The following ACACB variants were observed in gnomAD, a reference collection of about 807,000 sequenced individuals.
The protein encoded by ACACB is acetyl-CoA carboxylase beta.
ACACB carries 209 observed loss-of-function variants against 278.8 expected under a neutral mutation model. The ratio of observed to expected loss-of-function variants is 0.75; its 90% CI spans 0.67 to 0.84. The LOEUF is 0.84. Among genes scored for constraint, ACACB ranks in the 40% least tolerant of loss-of-function variants. The probability of loss-of-function intolerance (pLI) is 0.00; values close to 1 mark genes in which losing one functional copy is unlikely to be tolerated. For synonymous variants in ACACB, 1,174 were observed against 1,285.6 expected (o/e 0.91, Z 1.86); for missense variants, 2,850 against 3,269.0 (o/e 0.87, Z 3.13).
intron 2 of ACACB, among the ~76,000 whole-genome samples, chr12:109,161,734 TGTGTATGTGTGTGTGTG>T (rs1354806368): frequency 3.3e-5 from 5 of 150,732 alleles, no homozygotes; most frequent in Non-Finnish European, 4.4e-5. Context: ...TATTCTTTTG[TGTGTATGTGTGTGTGTG>T]GTGTGTGTGT....
intron 16 of ACACB, 128 bp from the exon 17 acceptor site, chr12:109,196,878 CGA>C (rs2045150043): frequency 8.9e-7 from 1 of 1,121,910 alleles, no homozygotes; most frequent in Admixed American, 4.0e-5. Flanking sequence ...GGGCTGGGTC[CGA>C]GAGACGGGGG....
intron 11 of ACACB, 112 bp downstream of exon 11, chr12:109,180,199 G>C: frequency 8.9e-7 from 1 of 1,124,030 alleles, no homozygotes; most frequent in Non-Finnish European, 1.3e-6. Flanking sequence ...CCAGGGGAAT[G>C]ACTGGCCAAA....
rs1268778982 is a variant in ACACB at position 109,223,880 on chromosome 12, A to T, written c.3858A>T (p.Lys1286Asn). The change falls in exon 27 of 53, where the codon AAA becomes AAT. Residue 1286 changes from lysine to asparagine, a missense_variant. Physicochemically the swap from Lys to Asn is moderately conservative, Grantham distance 94. Transcript: ENST00000338432. ...CTACTTTCTTCTATCACGCAAACAAAGTCGTGTGCATGGCGTCCTTGGAGG... is the reference window on the plus strand; with the variant it reads ...CTACTTTCTTCTATCACGCAAACAATGTCGTGTGCATGGCGTCCTTGGAGG... ...VLPTFFYHAN[K>N]VVCMASLEVY... 6.2e-7 allele frequency: 1 copy of T among 1,614,168 alleles called. No individual in the cohort carries two copies. Among genetic ancestry groups the T allele is most frequent in the Non-Finnish European group, 8.5e-7 (1 of 1,180,010 alleles).
intron 2 of ACACB, among the ~76,000 whole-genome samples, chr12:109,150,404 C>T (rs2043341605): frequency 6.6e-6 from 1 of 152,138 alleles, no homozygotes; most frequent in South Asian, 2.1e-4. Context: ...CAACCTGTGT[C>T]CACGGAGGAG....
intron 50 of ACACB, 74 bp downstream of exon 50, chr12:109,264,460 C>T (rs1464856711): frequency 2.3e-5 from 17 of 733,378 alleles, no homozygotes; most frequent in African/African-American, 1.1e-4. Flanking sequence ...CATTTGGGCT[C>T]GGGGGCGGGG....
chr12:109,213,690 G>A (rs1007310166), intron 22 of ACACB, among the ~76,000 whole-genome samples: 1 of 151,982 alleles, frequency 6.6e-6, no homozygotes, highest in Admixed American at 6.6e-5. Flanking sequence ...CGCCTCCCGG[G>A]TTCACGCCAT....
At chr12:109,182,134 C>T (rs1486349874) in intron 11 of ACACB, among the ~76,000 whole-genome samples, 1 of 151,984 alleles carries the variant, frequency 6.6e-6, no homozygotes. Flanking sequence ...TGAGCCACCG[C>T]GCCCAGCTGC....
chr12:109,154,717 G>C (rs1486244928), intron 2 of ACACB: 1 of 152,486 alleles, frequency 6.6e-6, no homozygotes, highest in Non-Finnish European at 1.5e-5. Flanking sequence ...GAAGTTGGGC[G>C]CCCGCCGGCT....
At chr12:109,244,180 TG>T (rs1368481061) in intron 37 of ACACB, among the ~76,000 whole-genome samples, 1 of 152,138 alleles carries the variant, frequency 6.6e-6, no homozygotes, top group Non-Finnish European at 1.5e-5. Context: ...ATGACGTTCA[TG>T]AAACCAAGGT....
chr12:109,232,584 T>C, intron 28 of ACACB, 85 bp from the exon 29 acceptor site: 1 of 1,511,804 alleles, frequency 6.6e-7, no homozygotes, highest in Non-Finnish European at 9.0e-7. Context: ...CTGGTCCAGC[T>C]CACTGAAGCT....
At chr12:109,202,037 C>G (rs2045350797) in intron 19 of ACACB, among the ~76,000 whole-genome samples, 2 of 152,142 alleles carry the variant, frequency 1.3e-5, no homozygotes, top group Admixed American at 1.3e-4. Context: ...ATACACTGGA[C>G]CCCTCCCTCC....
chr12:109,235,493 A>G (rs1291299735), intron 32 of ACACB, 113 bp from the exon 33 acceptor site: 9 of 1,423,914 alleles, frequency 6.3e-6, no homozygotes, highest in Non-Finnish European at 5.9e-6. Context: ...AGGATTTCCA[A>G]ATGATTCATT....
chr12:109,193,653 A>G lies in ACACB; in HGVS notation c.2405A>G (p.Gln802Arg). 13 of 1,613,394 alleles carry G rather than the reference A, an allele frequency of 8.1e-6. No homozygotes were observed. Among genetic ancestry groups the G allele is most frequent in the Non-Finnish European group, 1.1e-5 (13 of 1,179,344 alleles). The change falls in exon 16 of 53, where the codon CAG (glutamine) becomes CGG (arginine). Residue 802 changes from glutamine to arginine, a missense_variant. Coordinates refer to ENST00000338432, the MANE Select transcript of ACACB (RefSeq NM_001093.4). ...TDFLHSLERGQVLPADSLLNL... is the reference protein window; with the variant it reads ...TDFLHSLERGRVLPADSLLNL... ...AACCCTGTCTTTTCTTTCAGGGGCC[A>G]GGTCCTCCCAGCGGATTCACTACTG... is the stretch of plus-strand genomic sequence containing the variant.
In ACACB at chr12:109,193,769, G is replaced by T. The variant is rs751314236; in HGVS notation, c.2481+40G>T. ...GCCTCTCCGATGTCTCCAACACTCT[G>T]CAAGCTTCAGGGAGTTTCTTTCTTC... On this transcript the variant is annotated intron_variant, in intron 16 of 52. Transcript: ENST00000338432. 3.3e-6 allele frequency: 5 copies of T among 1,534,748 alleles called. No homozygotes were observed. In the African/African-American group the frequency reaches 5.5e-5, roughly 17 times the overall value.
intron 33 of ACACB, chr12:109,236,219 A>G (rs909750827): frequency 2.0e-5 from 3 of 153,048 alleles, no homozygotes; most frequent in Admixed American, 6.5e-5. Context: ...ACTTTTGTGT[A>G]GACTGCAGTC....
At chr12:109,251,100 G>A (rs146789095) in intron 41 of ACACB, among the ~76,000 whole-genome samples, 4 of 152,236 alleles carry the variant, frequency 2.6e-5, no homozygotes, top group African/African-American at 4.8e-5. Context: ...AGAAGGGCAC[G>A]GTACCAGATA....
intron 24 of ACACB, among the ~76,000 whole-genome samples, chr12:109,217,954 C>T (rs892111368): frequency 2.0e-5 from 3 of 152,194 alleles, no homozygotes; most frequent in Non-Finnish European, 2.9e-5. Context: ...ATTTAATTCA[C>T]GCAGCAGTCC....
intron 11 of ACACB, among the ~76,000 whole-genome samples, chr12:109,183,281 A>G (rs1441461495): frequency 6.6e-6 from 1 of 151,772 alleles, no homozygotes; most frequent in Non-Finnish European, 1.5e-5. Flanking sequence ...TTGTGTTTCC[A>G]TATAAACTTT....
At chr12:109,212,236 G>T (rs1231499644) in intron 21 of ACACB, among the ~76,000 whole-genome samples, 1 of 152,154 alleles carries the variant, frequency 6.6e-6, no homozygotes, top group Non-Finnish European at 1.5e-5. Flanking sequence ...GCTGTGGTGG[G>T]TCCTTTAGGT....
Sources: gnomAD v4.1 joint callset for allele counts (sites outside exome capture counted in the v4.1 genomes callset) on GRCh38, gnomAD v4.1.1 for gene constraint, MANE v1.5 for transcripts, NCBI Gene and HGNC (gene_info 2026-07-23, HGNC 2026-07-21) for gene names.